Variants in MYH10 observed in about 807,000 individuals in gnomAD.
The protein encoded by MYH10 is myosin heavy chain 10.
A neutral mutation model predicts 257.8 loss-of-function variants in MYH10; 55 were observed. The observed-to-expected ratio is 0.21, with a 90% CI of 0.17 to 0.27. The LOEUF (loss-of-function observed/expected upper bound fraction) is 0.27. Ranked by LOEUF, MYH10 falls within the 10% of genes least tolerant of loss-of-function variation. MYH10 has a pLI of 1.00. For missense variants in MYH10, 1,631 were observed against 2,500.6 expected (o/e 0.65, Z 7.42); for synonymous variants, 854 against 921.7 (o/e 0.93, Z 1.33).
intron 4 of MYH10, among the ~76,000 whole-genome samples, chr17:8,583,637 C>T (rs2083790875): frequency 6.6e-6 from 1 of 152,190 alleles, no homozygotes; most frequent in African/African-American, 2.4e-5. Flanking sequence ...ACACTGTTGC[C>T]TTCGCTGTTT....
chr17:8,509,986 C>T lies in MYH10; in HGVS notation c.2953-37G>A, dbSNP rs371833468. The T allele has an allele frequency of 3.1e-4, 479 of 1,541,498 alleles. 1 individual carries two copies. Among genetic ancestry groups the T allele is most frequent in the Admixed American group, 7.1e-4 (35 of 49,166 alleles). On this transcript the variant is annotated intron_variant, in intron 24 of 42. Transcript: ENST00000360416. ...CACACAGTCAGTCTCGCCACTTTCT[C>T]GAGATTTGACCACACATTCATTGTG...
intron 1 of MYH10, among the ~76,000 whole-genome samples, chr17:8,625,570 C>A (rs570570004): frequency 8.5e-5 from 13 of 152,132 alleles, no homozygotes; most frequent in African/African-American, 2.7e-4. Flanking sequence ...ACCTCTGCCT[C>A]CAGGGTTCAA....
intron 9 of MYH10, among the ~76,000 whole-genome samples, chr17:8,550,522 G>GGACAGCCCCCC (rs1297884260): frequency 2.6e-5 from 4 of 151,364 alleles, no homozygotes; most frequent in Non-Finnish European, 5.9e-5. Context: ...GAGGTGGGGG[G>GGACAGCCCCCC]GACAGCCCCC....
At chr17:8,534,834 T>TAGTAAA (rs2082096256) in intron 16 of MYH10, among the ~76,000 whole-genome samples, 1 of 152,234 alleles carries the variant, frequency 6.6e-6, no homozygotes, top group Non-Finnish European at 1.5e-5. Flanking sequence ...TTTCTGATAC[T>TAGTAAA]AGTAAAATCT....
At chr17:8,507,524 G>C (rs1237831332) in intron 26 of MYH10, among the ~76,000 whole-genome samples, 1 of 152,206 alleles carries the variant, frequency 6.6e-6, no homozygotes, top group Non-Finnish European at 1.5e-5. Flanking sequence ...GTATCTGCCA[G>C]CTTTTATGTC....
chr17:8,563,162 T>C (rs1840225182), intron 7 of MYH10, among the ~76,000 whole-genome samples: 1 of 152,122 alleles, frequency 6.6e-6, no homozygotes, highest in South Asian at 2.1e-4. Context: ...AATGAGAAAA[T>C]CCATTCTAGG....
rs2084741836 is a variant in MYH10, at chr17:8,604,932, T to G, written c.396A>C (p.Pro132=). ...TTTCAATAATATTCTCAGAGTAAAT[T>G]GGAAGATTCTTGTAAGGGTTTATAA... ...CVVINPYKNL[P]IYSENIIEMY... Residue 132 remains proline, a synonymous_variant, in exon 3 of 43, where the codon CCA becomes CCC. Transcript: ENST00000360416. The G allele has an allele frequency of 6.3e-7, 1 of 1,584,124 alleles. No homozygotes were observed. Among genetic ancestry groups the G allele is most frequent in the African/African-American group, 1.3e-5 (1 of 74,208 alleles).
chr17:8,475,604 G>C lies in MYH10; in HGVS notation c.*200C>G, dbSNP rs1437299824. 3.4e-6 allele frequency: 2 copies of C among 588,228 alleles called. No individual in the cohort carries two copies. Among genetic ancestry groups the C allele is most frequent in the Non-Finnish European group, 6.0e-6 (2 of 334,238 alleles). 36.4% of individuals were successfully genotyped at this position (588,228 alleles called of 1,614,324 possible). ...ACAATCTGTTTAATATATGTGTCCT[G>C]TGTGTGTCTATATATAAAAAGGGGA... On this transcript the variant is annotated 3_prime_UTR_variant, in exon 43 of 43. Transcript: ENST00000360416.
At chr17:8,602,267 C>T (rs893326204) in intron 3 of MYH10, among the ~76,000 whole-genome samples, 5 of 152,176 alleles carry the variant, frequency 3.3e-5, no homozygotes, top group African/African-American at 4.8e-5. Flanking sequence ...CGTGAGCCAC[C>T]GTGCCCGGCC....
chr17:8,569,895 C>A lies in MYH10; in HGVS notation c.664-83G>T. ...ACTCAAGTCATCAGGGGAAAAATTT[C>A]TAAAAAAGAAACTGCATCTTTTCCT... On this transcript the variant is annotated intron_variant, in intron 6 of 42. Coordinates refer to ENST00000360416, the MANE Select transcript of MYH10 (RefSeq NM_001256012.3). This position sits in a 1 kb window ranked among gnomAD's most constrained non-coding sequence, Gnocchi z 4.1. The A allele has an allele frequency of 3.8e-6, 4 of 1,047,480 alleles. No homozygotes were observed. The highest frequency in any genetic ancestry group is 5.5e-6 in the Non-Finnish European group (4 of 730,758). The allele number at this position is 1,047,480 out of a possible 1,614,324, so 64.9% of individuals were successfully genotyped here.
Position 8,505,978 on chromosome 17 carries a change from C to CA in MYH10, c.3386+339dup, listed in dbSNP as rs999026426. 1,401 of 146,038 alleles carry CA rather than the reference C, an allele frequency of 9.6e-3. 8 individuals carry two copies. The highest frequency in any genetic ancestry group is 0.018 in the Middle Eastern group (6 of 330). 9.0% of individuals were successfully genotyped at this position (146,038 alleles called of 1,614,324 possible). ...CTGGGTGACAGAGTGAGACTCCATTCAAAAAAAAAAAATAAATAAAACATA... is the reference window on the plus strand; with the variant it reads ...CTGGGTGACAGAGTGAGACTCCATTCAAAAAAAAAAAAATAAATAAAACATA... On this transcript the variant is annotated intron_variant, in intron 27 of 42. Coordinates refer to ENST00000360416, the MANE Select transcript of MYH10 (RefSeq NM_001256012.3).
chr17:8,601,112 T>A (rs1163917245), intron 3 of MYH10, among the ~76,000 whole-genome samples: 1 of 152,180 alleles, frequency 6.6e-6, no homozygotes, highest in Non-Finnish European at 1.5e-5. Flanking sequence ...CTGCAGGTAT[T>A]GTTACAGCAA....
intron 1 of MYH10, among the ~76,000 whole-genome samples, chr17:8,630,255 C>T (rs571405172): frequency 4.0e-5 from 6 of 150,916 alleles, no homozygotes; most frequent in Admixed American, 6.6e-5. Context: ...GACCTCGCGC[C>T]CCCAGGGATC....
rs370469181 is a variant in MYH10, at chr17:8,500,993, A to G, written c.3600-23T>C. 127 of 1,605,938 alleles carry G rather than the reference A, an allele frequency of 7.9e-5. No individual in the cohort carries two copies. In the Admixed American group the frequency reaches 1.3e-3, roughly 17 times the overall value. On this transcript the variant is annotated intron_variant, in intron 28 of 42. Coordinates refer to ENST00000360416, the MANE Select transcript of MYH10 (RefSeq NM_001256012.3). The stretch of plus-strand genomic sequence containing the variant: ...GTACTAGAGAAGGACATTTTTTAAG[A>G]GAGATCAGAATTAGCTGACTGATTA...
chr17:8,539,657 G>A (rs142316748), intron 14 of MYH10, among the ~76,000 whole-genome samples: 6 of 152,104 alleles, frequency 3.9e-5, no homozygotes, highest in Admixed American at 6.5e-5. Context: ...TGGTGTGACC[G>A]TATCACTGTA....
intron 42 of MYH10, among the ~76,000 whole-genome samples, 158 bp downstream of exon 42, chr17:8,476,718 C>T (rs112586110): frequency 1.5e-3 from 227 of 152,328 alleles, no homozygotes; most frequent in African/African-American, 3.3e-3. Flanking sequence ...TCCCCAAGGA[C>T]GACTATAAAG....
intron 24 of MYH10, among the ~76,000 whole-genome samples, chr17:8,511,514 C>T (rs1184234336): frequency 3.3e-5 from 5 of 152,084 alleles, no homozygotes; most frequent in Non-Finnish European, 7.4e-5. Flanking sequence ...AGCGAGACTC[C>T]GTCTCAAAAA....
Position 8,535,680 on chromosome 17 carries a change from T to TG in MYH10, c.1779+77dup. 1 of 1,436,636 alleles carries TG rather than the reference T, an allele frequency of 7.0e-7. No homozygotes were observed. Among genetic ancestry groups the TG allele is most frequent in the Non-Finnish European group, 9.6e-7 (1 of 1,039,594 alleles). 89.0% of individuals were successfully genotyped at this position (1,436,636 alleles called of 1,614,324 possible). ...GTTTATAAATGTTTATCAGCACCTTTGTTACACCTTCATAAAAATGTAGCA... is the reference window on the plus strand; with the variant it reads ...GTTTATAAATGTTTATCAGCACCTTTGGTTACACCTTCATAAAAATGTAGCA... On this transcript the variant is annotated intron_variant, in intron 15 of 42. Transcript: ENST00000360416. The surrounding 1 kb of genome is among the most constrained non-coding windows in gnomAD (Gnocchi z 4.3).
chr17:8,593,360 G>C (rs1383291820), intron 3 of MYH10, among the ~76,000 whole-genome samples: 1 of 151,962 alleles, frequency 6.6e-6, no homozygotes, highest in Non-Finnish European at 1.5e-5. Flanking sequence ...TGAAAAGGAG[G>C]AAATAGCAAT....
Sources: gnomAD v4.1 joint callset for allele counts (sites outside exome capture counted in the v4.1 genomes callset) on GRCh38, gnomAD v4.1.1 for gene constraint, Gnocchi (gnomAD v3.1) non-coding constraint, MANE v1.5 for transcripts, NCBI Gene and HGNC (gene_info 2026-07-23, HGNC 2026-07-21) for gene names.